Variants in PKP4 observed in about 807,000 individuals in gnomAD.
PKP4 encodes the protein plakophilin-4.
PKP4 carries 90 observed loss-of-function variants against 145.1 expected under a neutral mutation model. The observed-to-expected ratio is 0.62, with a 90% CI of 0.52 to 0.74. PKP4 has a LOEUF of 0.74. PKP4 is among the 30% of genes least tolerant of loss of function. The pLI is 0.00. For synonymous variants in PKP4, 563 were observed against 577.2 expected, an observed-to-expected ratio of 0.98 and a Z score of 0.35; for missense variants, 1,340 against 1,482.7, an observed-to-expected ratio of 0.90 and a Z score of 1.58.
chr2:158,572,462 A>G (rs866169931), intron 2 of PKP4, among the ~76,000 whole-genome samples: 1 of 152,240 alleles, frequency 6.6e-6, no homozygotes, highest in African/African-American at 2.4e-5. Flanking sequence ...TAAGCAATAA[A>G]CCTGGCTTTT....
intron 3 of PKP4, among the ~76,000 whole-genome samples, chr2:158,596,463 T>A (rs2049751433): frequency 6.6e-6 from 1 of 152,160 alleles, no homozygotes; most frequent in Non-Finnish European, 1.5e-5. Flanking sequence ...AAATGTATTT[T>A]AAAAATTTTT....
rs759111221 is a variant in PKP4 at position 158,631,960 on chromosome 2, T to G, written c.1342+19T>G. 1 of 1,610,136 alleles carries G rather than the reference T, an allele frequency of 6.2e-7. No homozygotes were observed. The highest frequency in any genetic ancestry group is 2.2e-5 in the East Asian group (1 of 44,850). On this transcript the variant is annotated intron_variant, in intron 8 of 21. Transcript: ENST00000389759. ...GGTTCAGGTGGGCATCAACTCTGTT[T>G]ACTGGTTTCCTGATTTCATAGGCCC...
At chr2:158,504,362 CCCGCAGTGTA>C (rs1697018195) in intron 1 of PKP4, among the ~76,000 whole-genome samples, 1 of 152,166 alleles carries the variant, frequency 6.6e-6, no homozygotes, top group Admixed American at 6.5e-5. Context: ...GTCCTACTTC[CCCGCAGTGTA>C]ATAGTTACTC....
chr2:158,502,721 A>C (rs1446278048), intron 1 of PKP4, among the ~76,000 whole-genome samples: 1 of 152,224 alleles, frequency 6.6e-6, no homozygotes, highest in African/African-American at 2.4e-5. Flanking sequence ...AGATGGACAC[A>C]AAAGGTGGTT....
Position 158,663,062 on chromosome 2 carries a change from A to G in PKP4, c.2377A>G (p.Lys793Glu). 6.2e-7 allele frequency: 1 copy of G among 1,611,200 alleles called. No individual in the cohort carries two copies. Among genetic ancestry groups the G allele is most frequent in the East Asian group, 2.2e-5 (1 of 44,854 alleles). The change falls in exon 14 of 22, where the codon AAA becomes GAA. Residue 793 changes from lysine to glutamate, a missense_variant. Transcript: ENST00000389759. The part of the protein sequence containing the change: ...PSCWGKKKKK[K>E]KRTPQEDQWD... ...TTGCTGGGGGAAGAAGAAGAAAAAG[A>G]AAAAGAGGACTCCGCAAGAAGATCA...
intron 4 of PKP4, among the ~76,000 whole-genome samples, chr2:158,605,434 C>G (rs1425021903): frequency 6.6e-6 from 1 of 152,084 alleles, no homozygotes; most frequent in East Asian, 1.9e-4. Flanking sequence ...TTAAAAGTGA[C>G]AAGAACTATT....
At chr2:158,533,089 C>G in intron 1 of PKP4, 91 bp from the exon 2 acceptor site, 1 of 1,321,734 alleles carries the variant, frequency 7.6e-7, no homozygotes, top group South Asian at 1.5e-5. Flanking sequence ...AGACTGTAGT[C>G]TACTGTAGTT....
chr2:158,543,862 G>A (rs2044731025), intron 2 of PKP4, among the ~76,000 whole-genome samples: 1 of 152,148 alleles, frequency 6.6e-6, no homozygotes, highest in Non-Finnish European at 1.5e-5. Flanking sequence ...GTAGAATTTT[G>A]TTGTTAGAAT....
At chr2:158,635,770 T>C (rs930328685) in intron 9 of PKP4, among the ~76,000 whole-genome samples, 2 of 152,188 alleles carry the variant, frequency 1.3e-5, no homozygotes, top group African/African-American at 4.8e-5. Flanking sequence ...TTACTGATAA[T>C]GCATTTCGTA....
intron 1 of PKP4, among the ~76,000 whole-genome samples, chr2:158,519,291 T>A (rs1321564205): frequency 6.6e-6 from 1 of 152,210 alleles, no homozygotes; most frequent in Non-Finnish European, 1.5e-5. Context: ...TTCTGGCTGT[T>A]TCTCTTTCCT....
intron 6 of PKP4, among the ~76,000 whole-genome samples, chr2:158,623,830 A>G (rs1012562952): frequency 5.3e-5 from 8 of 152,332 alleles, no homozygotes; most frequent in Middle Eastern, 3.4e-3. Context: ...GCCTGGTCCT[A>G]GTCTTCTAAC....
intron 4 of PKP4, among the ~76,000 whole-genome samples, chr2:158,613,060 C>A (rs146540415): frequency 1.3e-5 from 2 of 152,246 alleles, no homozygotes; most frequent in East Asian, 1.9e-4. Context: ...CATCTCACTC[C>A]AGAGGTTCCT....
At chr2:158,489,059 A>G (rs747522406) in intron 1 of PKP4, among the ~76,000 whole-genome samples, 14 of 152,182 alleles carry the variant, frequency 9.2e-5, no homozygotes, top group Non-Finnish European at 1.8e-4. Context: ...GTTTTGATAA[A>G]TCTTTTCAAT....
chr2:158,550,140 A>AATCTATAAATTCTATTAAT (rs550269421), intron 2 of PKP4, among the ~76,000 whole-genome samples: 1 of 151,864 alleles, frequency 6.6e-6, no homozygotes, highest in Non-Finnish European at 1.5e-5. Context: ...TTCTGCCAAG[A>AATCTATAAATTCTATTAAT]AGAAGTTAAA....
At chr2:158,515,938 A>AAT (rs1254004060) in intron 1 of PKP4, among the ~76,000 whole-genome samples, 1 of 151,874 alleles carries the variant, frequency 6.6e-6, no homozygotes, top group Non-Finnish European at 1.5e-5. Context: ...CCTACCTATT[A>AAT]GAGAGGCTGA....
chr2:158,504,046 T>G (rs987420409), intron 1 of PKP4, among the ~76,000 whole-genome samples: 1 of 149,944 alleles, frequency 6.7e-6, no homozygotes, highest in African/African-American at 2.5e-5. Flanking sequence ...GATTTTATAG[T>G]TCACAAAATT....
chr2:158,488,418 A>T (rs554061316), intron 1 of PKP4, among the ~76,000 whole-genome samples: 99 of 152,286 alleles, frequency 6.5e-4, no homozygotes, highest in Middle Eastern at 3.4e-3. Flanking sequence ...TGCCTTGCTA[A>T]ATTCCCATAT....
chr2:158,626,919 T>C (rs2052853404), intron 7 of PKP4, among the ~76,000 whole-genome samples: 1 of 152,206 alleles, frequency 6.6e-6, no homozygotes, highest in Admixed American at 6.5e-5. Context: ...ATTTTGTCAC[T>C]TCTTTTTATT....
rs188429962 is a variant in PKP4, at chr2:158,520,003, G to A, written c.-5-13177G>A. 2.8e-3 allele frequency among the ~76,000 whole-genome samples: 432 copies of A among 152,156 alleles called. 4 individuals carry two copies. Among genetic ancestry groups the A allele is most frequent in the African/African-American group, 0.01 (417 of 41,496 alleles). The stretch of plus-strand genomic sequence containing the variant: ...TCAGAAAGAAAAAAAAAATGAACCC[G>A]TAGTACTTTTCAAAAAGATTTTCCT... On this transcript the variant is annotated intron_variant, in intron 1 of 21. Transcript: ENST00000389759.
Sources: allele counts gnomAD v4.1 joint callset (sites outside exome capture counted in the v4.1 genomes callset), GRCh38; gene constraint gnomAD v4.1.1; transcripts MANE v1.5; gene names NCBI Gene and HGNC (gene_info 2026-07-23, HGNC 2026-07-21).